The following EXOC6 variants were observed in gnomAD, a reference collection of about 807,000 sequenced individuals.
The protein encoded by EXOC6 is SEC15-like 1.
Under a neutral mutation model 112.5 loss-of-function variants are expected in EXOC6, and 60 were observed. That is an observed-to-expected ratio of 0.53 (90% CI 0.43 to 0.66). EXOC6 has a LOEUF of 0.66. Among genes scored for constraint, EXOC6 ranks in the 30% least tolerant of loss-of-function variants. EXOC6 has a pLI of 0.00. For missense variants in EXOC6, 855 were observed against 957.1 expected (o/e 0.89, Z 1.41); for synonymous variants, 295 against 308.0 (o/e 0.96, Z 0.44).
intron 18 of EXOC6, among the ~76,000 whole-genome samples, chr10:92,988,837 A>ACACACACG (rs1843116177): frequency 7.2e-6 from 1 of 139,740 alleles, no homozygotes; most frequent in Non-Finnish European, 1.6e-5. Context: ...ACACACACAC[A>ACACACACG]CACGCATTTC....
At chr10:93,021,390 G>A (rs1844782927) in intron 20 of EXOC6, among the ~76,000 whole-genome samples, 2 of 152,216 alleles carry the variant, frequency 1.3e-5, no homozygotes, top group African/African-American at 2.4e-5. Flanking sequence ...ATCACTCTGC[G>A]ATTCTCTCTC....
At chr10:92,948,441 C>A in intron 14 of EXOC6, 62 bp downstream of exon 14, 1 of 966,078 alleles carries the variant, frequency 1.0e-6, no homozygotes, top group Non-Finnish European at 1.5e-6. Context: ...TTTGTTACTA[C>A]ATAATATTAA....
intron 15 of EXOC6, among the ~76,000 whole-genome samples, chr10:92,952,869 C>G (rs1409506059): frequency 6.6e-6 from 1 of 152,076 alleles, no homozygotes; most frequent in Non-Finnish European, 1.5e-5. Flanking sequence ...TGGGGAGGTG[C>G]TACTGGAACT....
chr10:92,874,895 G>A (rs1166531198), intron 1 of EXOC6, among the ~76,000 whole-genome samples: 1 of 152,142 alleles, frequency 6.6e-6, no homozygotes, highest in Admixed American at 6.5e-5. Flanking sequence ...GCACATACCT[G>A]ACTATCTGAA....
chr10:92,946,070 C>T (rs953827231), intron 13 of EXOC6, among the ~76,000 whole-genome samples: 3 of 151,606 alleles, frequency 2.0e-5, no homozygotes, highest in African/African-American at 7.3e-5. Flanking sequence ...GTGGGTGGAT[C>T]ACCAGGTCAG....
intron 1 of EXOC6, among the ~76,000 whole-genome samples, chr10:92,858,140 T>A (rs980567978): frequency 1.3e-5 from 2 of 151,554 alleles, no homozygotes; most frequent in South Asian, 4.2e-4. Flanking sequence ...ATCAGCAGTT[T>A]CTTGTTGTTT....
intron 5 of EXOC6, among the ~76,000 whole-genome samples, chr10:92,907,741 A>T (rs1850522661): frequency 6.6e-6 from 1 of 152,178 alleles, no homozygotes; most frequent in Admixed American, 6.5e-5. Flanking sequence ...TGTTGCATTT[A>T]AAATGTTATG....
intron 20 of EXOC6, among the ~76,000 whole-genome samples, chr10:93,024,946 A>G (rs1488229560): frequency 6.6e-6 from 1 of 152,080 alleles, no homozygotes; most frequent in Admixed American, 6.6e-5. Context: ...GGATCAACAT[A>G]TTTTTAAAAT....
intron 17 of EXOC6, among the ~76,000 whole-genome samples, chr10:92,961,495 G>A (rs1853998083): frequency 6.6e-6 from 1 of 151,986 alleles, no homozygotes; most frequent in Non-Finnish European, 1.5e-5. Flanking sequence ...AAGCAGATTG[G>A]GTAACAAATA....
chr10:92,917,533 CTT>C (rs11295643), intron 7 of EXOC6, among the ~76,000 whole-genome samples: 54 of 139,454 alleles, frequency 3.9e-4, no homozygotes, highest in Admixed American at 6.4e-4. Flanking sequence ...TTTTTTCTTT[CTT>C]TTTTTTTTTT....
At chr10:93,037,235 C>T (rs1302299990) in intron 20 of EXOC6, among the ~76,000 whole-genome samples, 1 of 151,564 alleles carries the variant, frequency 6.6e-6, no homozygotes. Context: ...CTCAACCTCC[C>T]CAGGCTCAGG....
intron 20 of EXOC6, among the ~76,000 whole-genome samples, chr10:93,046,399 A>T (rs1324629661): frequency 6.6e-6 from 1 of 152,226 alleles, no homozygotes; most frequent in Non-Finnish European, 1.5e-5. Flanking sequence ...TGTGATACAG[A>T]TATGTGGAGG....
chr10:92,829,668 G>A (rs977380807), intron 1 of EXOC6, among the ~76,000 whole-genome samples: 1 of 152,192 alleles, frequency 6.6e-6, no homozygotes, highest in Non-Finnish European at 1.5e-5. Context: ...TAAGGGCTGG[G>A]TAAAATGAGG....
chr10:92,973,342 T>C (rs1842371769), intron 17 of EXOC6, among the ~76,000 whole-genome samples: 1 of 152,220 alleles, frequency 6.6e-6, no homozygotes, highest in Non-Finnish European at 1.5e-5. Context: ...ATAATGGAAA[T>C]AGGGCACATT....
chr10:93,048,976 A>G (rs1314010484), intron 20 of EXOC6, among the ~76,000 whole-genome samples: 1 of 152,156 alleles, frequency 6.6e-6, no homozygotes, highest in Non-Finnish European at 1.5e-5. Context: ...AAGTTTATAT[A>G]ACAAATTCTA....
At chr10:92,982,827 T>C (rs986114793) in intron 18 of EXOC6, among the ~76,000 whole-genome samples, 14 of 152,214 alleles carry the variant, frequency 9.2e-5, no homozygotes, top group African/African-American at 3.4e-4. Flanking sequence ...GTTTTACTGA[T>C]GTGCCAATTT....
intron 1 of EXOC6, among the ~76,000 whole-genome samples, chr10:92,886,043 G>A (rs2133786916): frequency 6.6e-6 from 1 of 152,108 alleles, no homozygotes; most frequent in Non-Finnish European, 1.5e-5. Flanking sequence ...TAAAATTTTG[G>A]GAGACTGAAA....
chr10:93,052,372 A>C (rs928749752), intron 20 of EXOC6, among the ~76,000 whole-genome samples: 1 of 152,210 alleles, frequency 6.6e-6, no homozygotes, highest in Non-Finnish European at 1.5e-5. Context: ...TGAATTCCTC[A>C]GTGATTCTGA....
chr10:92,910,225 A>G (rs534135307), intron 6 of EXOC6, among the ~76,000 whole-genome samples: 1 of 152,328 alleles, frequency 6.6e-6, no homozygotes, highest in Admixed American at 6.5e-5. Flanking sequence ...AACAACCCAA[A>G]TGGCTTTCAG....
Sources: gnomAD v4.1 joint callset for allele counts (sites outside exome capture counted in the v4.1 genomes callset) on GRCh38, gnomAD v4.1.1 for gene constraint, MANE v1.5 for transcripts, NCBI Gene and HGNC (gene_info 2026-07-23, HGNC 2026-07-21) for gene names.